The following ACR variants were observed in gnomAD, a reference collection of about 807,000 sequenced individuals.
ACR encodes acrosin.
A neutral mutation model predicts 26.0 loss-of-function variants in ACR; 17 were observed. The observed-to-expected ratio is 0.65, with a 90% CI of 0.45 to 0.98. The LOEUF is 0.98. Among genes scored for constraint, ACR ranks in the 50% least tolerant of loss-of-function variants. The probability of loss-of-function intolerance (pLI) is 0.00; values close to 1 mark genes in which losing one functional copy is unlikely to be tolerated. For missense variants in ACR, 435 were observed against 519.3 expected (o/e 0.84, Z 1.58); for synonymous variants, 199 against 207.7 (o/e 0.96, Z 0.36).
In ACR at chr22:50,739,119, C is replaced by T. The variant is rs2083412014; in HGVS notation, c.78-152C>T. On this transcript the variant is annotated intron_variant, in intron 1 of 4. Coordinates refer to ENST00000216139, the MANE Select transcript of ACR (RefSeq NM_001097.3). The surrounding 1 kb of genome is among the most constrained non-coding windows in gnomAD (Gnocchi z 5.5). ...AACCATTTCCTAGAGCCTGCGGCTTCCTACATAGCGCAGGCTGCCCCTGCT... is the reference window on the plus strand; with the variant it reads ...AACCATTTCCTAGAGCCTGCGGCTTTCTACATAGCGCAGGCTGCCCCTGCT... 1 of 664,002 alleles carries T rather than the reference C, an allele frequency of 1.5e-6. No individual in the cohort carries two copies. The highest frequency in any genetic ancestry group is 2.6e-6 in the Non-Finnish European group (1 of 386,068). 41.1% of individuals were successfully genotyped at this position (664,002 alleles called of 1,614,324 possible).
intron 1 of ACR, among the ~76,000 whole-genome samples, chr22:50,738,659 G>A (rs1039398704): frequency 2.1e-5 from 3 of 139,702 alleles, no homozygotes; most frequent in Non-Finnish European, 3.1e-5. Flanking sequence ...GCTTCACACC[G>A]CTTGCACCCC....
chr22:50,740,908 G>A lies in ACR; in HGVS notation c.565+931G>A, dbSNP rs1603447606. 5 of 561,014 alleles carry A rather than the reference G, an allele frequency of 8.9e-6. No individual in the cohort carries two copies. In the East Asian group the frequency reaches 1.5e-4, roughly 17 times the overall value. The allele number at this position is 561,014 out of a possible 1,614,324, so 34.8% of individuals were successfully genotyped here. ...CAGACACCTCTCCCTACATACTTAG[G>A]CACACTAGAGATACCATTTATCCCA... is the stretch of plus-strand genomic sequence containing the variant. On this transcript the variant is annotated intron_variant, in intron 3 of 4. Transcript: ENST00000216139.
intron 4 of ACR, among the ~76,000 whole-genome samples, 179 bp downstream of exon 4, chr22:50,744,385 G>A (rs1013768161): frequency 4.0e-5 from 6 of 151,586 alleles, no homozygotes; most frequent in Admixed American, 6.6e-5. Flanking sequence ...GGGGATGAGC[G>A]GTGACAGCCA....
chr22:50,739,607 G>C lies in ACR; in HGVS notation c.282-87G>C. 2 of 1,553,572 alleles carry C rather than the reference G, an allele frequency of 1.3e-6. No individual in the cohort carries two copies. Among genetic ancestry groups the C allele is most frequent in the Non-Finnish European group, 1.7e-6 (2 of 1,146,226 alleles). On this transcript the variant is annotated intron_variant, in intron 2 of 4. Coordinates refer to ENST00000216139, the MANE Select transcript of ACR (RefSeq NM_001097.3). The surrounding 1 kb of genome is among the most constrained non-coding windows in gnomAD (Gnocchi z 5.5). ...CTGCAAGACTCCGGGGGCTGGTCCAGACCTTTGCTAGGGGAAGGCCCTGAG... is the reference window on the plus strand; with the variant it reads ...CTGCAAGACTCCGGGGGCTGGTCCACACCTTTGCTAGGGGAAGGCCCTGAG...
chr22:50,739,541 G>C lies in ACR; in HGVS notation c.281+67G>C. The stretch of plus-strand genomic sequence containing the variant: ...CTTCTCAGAGAGGGGCGTTCCCCGG[G>C]GATGCTGTGCAGCGTCTCCCTGGGG... On this transcript the variant is annotated intron_variant, in intron 2 of 4. Transcript: ENST00000216139. This position sits in a 1 kb window ranked among gnomAD's most constrained non-coding sequence, Gnocchi z 5.5. 3 of 1,599,730 alleles carry C rather than the reference G, an allele frequency of 1.9e-6. No homozygotes were observed. Among genetic ancestry groups the C allele is most frequent in the Non-Finnish European group, 2.6e-6 (3 of 1,169,350 alleles).
intron 3 of ACR, among the ~76,000 whole-genome samples, chr22:50,743,099 C>T (rs532493903): frequency 6.6e-6 from 1 of 151,098 alleles, no homozygotes; most frequent in African/African-American, 2.4e-5. Context: ...GCAGTGGCGC[C>T]ATCTCGGCTC....
In ACR at chr22:50,739,572, G is replaced by T. The variant is rs983819730; in HGVS notation, c.281+98G>T. The stretch of plus-strand genomic sequence containing the variant: ...TGTGCAGCGTCTCCCTGGGGCTCTG[G>T]GCCAAGTGGCTGCAAGACTCCGGGG... On this transcript the variant is annotated intron_variant, in intron 2 of 4. Transcript: ENST00000216139. This position sits in a 1 kb window ranked among gnomAD's most constrained non-coding sequence, Gnocchi z 5.5. The T allele has an allele frequency of 2.2e-5, 35 of 1,573,698 alleles. No individual in the cohort carries two copies. Among genetic ancestry groups the T allele is most frequent in the Non-Finnish European group, 3.0e-5 (35 of 1,153,768 alleles).
intron 3 of ACR, among the ~76,000 whole-genome samples, chr22:50,742,481 T>C (rs956265848): frequency 3.7e-4 from 55 of 150,182 alleles, no homozygotes; most frequent in Non-Finnish European, 7.4e-4. Flanking sequence ...GAGGCGGAGC[T>C]TGCAGTGAGC....
chr22:50,740,821 C>T (rs539806347), intron 3 of ACR: 8 of 664,500 alleles, frequency 1.2e-5, no homozygotes, highest in African/African-American at 1.8e-5. Flanking sequence ...ACCAGGCTCA[C>T]GGAGGGCCCC....
At chr22:50,740,088 A>C in intron 3 of ACR, 111 bp downstream of exon 3, 1 of 1,346,390 alleles carries the variant, frequency 7.4e-7, no homozygotes, top group Non-Finnish European at 1.0e-6. Context: ...CATCCTCCTC[A>C]CGGCGCTACA....
chr22:50,740,025 T>C, intron 3 of ACR, 48 bp downstream of exon 3: 1 of 1,609,578 alleles, frequency 6.2e-7, no homozygotes, highest in East Asian at 2.2e-5. Flanking sequence ...GCCATTCTCC[T>C]GGTGGTCTTT....
Position 50,739,638 on chromosome 22 carries a change from C to A in ACR, c.282-56C>A. On this transcript the variant is annotated intron_variant, in intron 2 of 4. Coordinates refer to ENST00000216139, the MANE Select transcript of ACR (RefSeq NM_001097.3). The surrounding 1 kb of genome is among the most constrained non-coding windows in gnomAD (Gnocchi z 5.5). ...TGCTAGGGGAAGGCCCTGAGGGTCG[C>A]TGTCACCAGGCTTTTGTCCAGCCGG... 6.5e-7 allele frequency: 1 copy of A among 1,542,134 alleles called. No individual in the cohort carries two copies. Among genetic ancestry groups the A allele is most frequent in the Non-Finnish European group, 8.7e-7 (1 of 1,144,528 alleles).
intron 3 of ACR, among the ~76,000 whole-genome samples, chr22:50,743,150 C>T (rs2083433332): frequency 6.6e-6 from 1 of 150,826 alleles, no homozygotes. Flanking sequence ...ATTCTCCTGC[C>T]TCAGCCTCCC....
chr22:50,745,151 A>G lies in ACR; in HGVS notation c.1210A>G (p.Lys404Glu), dbSNP rs1267915794. The G allele has an allele frequency of 1.2e-6, 1 of 844,050 alleles. No individual in the cohort carries two copies. Among genetic ancestry groups the G allele is most frequent in the East Asian group, 2.7e-5 (1 of 36,674 alleles). The allele number at this position is 844,050 out of a possible 1,614,324, so 52.3% of individuals were successfully genotyped here. A position where few individuals can be genotyped will look rare whatever the true frequency, so the allele number is the denominator to read the frequency against. The change falls in exon 5 of 5, where the codon AAG (lysine) becomes GAG (glutamate). Residue 404 changes from lysine (K) to glutamate (E), a missense_variant. Physicochemically the swap from Lys to Glu is moderately conservative, Grantham distance 56. Transcript: ENST00000216139. ...VLKGKTYSDGKNHYDMETTEL... is the reference protein window; with the variant it reads ...VLKGKTYSDGENHYDMETTEL... Reference sequence around the variant, plus strand: ...GAAGGGGAAGACCTATTCCGACGGAAAGAACCATTATGACATGGAGACCAC... The same window carrying G: ...GAAGGGGAAGACCTATTCCGACGGAGAGAACCATTATGACATGGAGACCAC...
chr22:50,744,589 C>T (rs5771000), intron 4 of ACR, 64 bp from the exon 5 acceptor site: 419,031 of 1,473,188 alleles, frequency 0.28, 65,905 homozygotes, highest in East Asian at 0.46. Flanking sequence ...CAGAGCCTTC[C>T]GACCCCTCTG....
In ACR at chr22:50,744,939, G is replaced by A. The variant is rs1464574890; in HGVS notation, c.998G>A (p.Arg333Gln). The change falls in exon 5 of 5, where the codon CGA (arginine) becomes CAA (glutamine). Residue 333 changes from arginine (R) to glutamine (Q), a missense_variant. Arg to Gln is a conservative substitution (Grantham distance 43). Transcript: ENST00000216139. ...HLPWYFQPPPRPLPPRPPAAQ... is the reference protein window; with the variant it reads ...HLPWYFQPPPQPLPPRPPAAQ... ...CCTTGGTATTTCCAACCGCCCCCTC[G>A]ACCACTTCCACCCCGACCACCGGCA... 7 of 1,509,580 alleles carry A rather than the reference G, an allele frequency of 4.6e-6. No individual in the cohort carries two copies. Among genetic ancestry groups the A allele is most frequent in the South Asian group, 3.7e-5 (3 of 80,484 alleles). 93.5% of individuals were successfully genotyped at this position (1,509,580 alleles called of 1,614,324 possible).
At chr22:50,743,226 G>A (rs1277384838) in intron 3 of ACR, among the ~76,000 whole-genome samples, 2 of 151,826 alleles carry the variant, frequency 1.3e-5, no homozygotes, top group African/African-American at 2.4e-5. Context: ...TAGTAGAGAC[G>A]GGGTTTCACC....
chr22:50,742,970 C>T (rs1286735721), intron 3 of ACR, among the ~76,000 whole-genome samples: 3 of 152,066 alleles, frequency 2.0e-5, no homozygotes, highest in Admixed American at 1.3e-4. Context: ...AAAGGAGCAA[C>T]GCTGGCGCAT....
intron 3 of ACR, 70 bp from the exon 4 acceptor site, chr22:50,743,991 G>A (rs2083437978): frequency 8.7e-7 from 1 of 1,149,498 alleles, no homozygotes; most frequent in Non-Finnish European, 1.3e-6. Flanking sequence ...ATGGGGTTCG[G>A]TGGGGCAAGG....
Sources: allele counts gnomAD v4.1 joint callset (sites outside exome capture counted in the v4.1 genomes callset), GRCh38; gene constraint gnomAD v4.1.1; non-coding constraint Gnocchi (gnomAD v3.1); transcripts MANE v1.5; gene names NCBI Gene and HGNC (gene_info 2026-07-23, HGNC 2026-07-21).